The following OSBPL10 variants were observed in gnomAD, a reference collection of about 807,000 sequenced individuals.
The protein encoded by OSBPL10 is oxysterol binding protein like 10, also known as oxysterol-binding protein-related protein 10.
A neutral mutation model predicts 81.7 loss-of-function variants in OSBPL10; 49 were observed. The ratio of observed to expected loss-of-function variants is 0.60; its 90% CI spans 0.48 to 0.76. The LOEUF (loss-of-function observed/expected upper bound fraction) is 0.76, where lower values mean the gene tolerates loss of function less well. Among genes scored for constraint, OSBPL10 ranks in the 30% least tolerant of loss-of-function variants. The probability of loss-of-function intolerance (pLI) is 0.00; values close to 1 mark genes in which losing one functional copy is unlikely to be tolerated. For missense variants in OSBPL10, 923 were observed against 987.8 expected, an observed-to-expected ratio of 0.93 and a Z score of 0.88; for synonymous variants, 419 against 383.6, an observed-to-expected ratio of 1.09 and a Z score of -1.08.
At chr3:32,032,285 G>A (rs916572946) in intron 2 of OSBPL10, among the ~76,000 whole-genome samples, 2 of 151,894 alleles carry the variant, frequency 1.3e-5, no homozygotes, top group African/African-American at 4.8e-5. Flanking sequence ...CATGATGGGG[G>A]GCACCTGTAA....
At chr3:31,772,153 A>G (rs1698399349) in intron 4 of OSBPL10, among the ~76,000 whole-genome samples, 1 of 152,220 alleles carries the variant, frequency 6.6e-6, no homozygotes, top group Non-Finnish European at 1.5e-5. Flanking sequence ...TCCTAGGGAA[A>G]TACAGGGTTA....
At chr3:31,678,198 G>A (rs1422273539) in intron 8 of OSBPL10, among the ~76,000 whole-genome samples, 2 of 152,154 alleles carry the variant, frequency 1.3e-5, no homozygotes, top group Non-Finnish European at 1.5e-5. Context: ...GCAATGACAG[G>A]AGGCCATGTG....
intron 4 of OSBPL10, among the ~76,000 whole-genome samples, chr3:31,749,222 C>G (rs966514295): frequency 6.6e-6 from 1 of 152,220 alleles, no homozygotes; most frequent in Non-Finnish European, 1.5e-5. Context: ...GTAAGGACTG[C>G]CAGACTTGGA....
Position 31,945,876 on chromosome 3 carries a change from C to T in OSBPL10, c.281+35023G>A, listed in dbSNP as rs552804778. On this transcript the variant is annotated intron_variant, in intron 1 of 11. Coordinates refer to ENST00000396556, the MANE Select transcript of OSBPL10 (RefSeq NM_017784.5). ...GGTTACTGGCCAAACATCTGCAGAT[C>T]CTATTATGACTAAAAAAATCCAAAC... Among the ~76,000 whole-genome samples the T allele has an allele frequency of 7.2e-4, 109 of 152,316 alleles. 1 individual carries two copies. In the Middle Eastern group the frequency reaches 0.01, roughly 14 times the overall value.
chr3:31,668,905 T>C, intron 9 of OSBPL10, 81 bp from the exon 10 acceptor site: 5 of 689,230 alleles, frequency 7.3e-6, no homozygotes, highest in Non-Finnish European at 1.0e-5. Context: ...TCTCTAGAGA[T>C]TTTTTTTTTT....
At chr3:31,772,410 T>C (rs1371809816) in intron 4 of OSBPL10, among the ~76,000 whole-genome samples, 1 of 152,228 alleles carries the variant, frequency 6.6e-6, no homozygotes, top group Admixed American at 6.5e-5. Context: ...GGGAAATGTA[T>C]GTGTGGGTGT....
chr3:31,748,437 C>T (rs1371757132), intron 4 of OSBPL10, among the ~76,000 whole-genome samples: 3 of 152,060 alleles, frequency 2.0e-5, no homozygotes, highest in Admixed American at 6.6e-5. Context: ...TCCTTGCAAC[C>T]ACCTTTAGAG....
intron 3 of OSBPL10, among the ~76,000 whole-genome samples, chr3:31,834,338 C>T (rs534519182): frequency 8.5e-5 from 13 of 152,306 alleles, no homozygotes; most frequent in Admixed American, 3.3e-4. Context: ...AATTCGGAGT[C>T]GAGAGCAAGT....
intron 5 of OSBPL10, among the ~76,000 whole-genome samples, chr3:31,735,323 G>A (rs943606254): frequency 6.6e-6 from 1 of 152,060 alleles, no homozygotes; most frequent in Non-Finnish European, 1.5e-5. Context: ...ACCTATAGTT[G>A]CAGCTACATG....
intron 1 of OSBPL10, among the ~76,000 whole-genome samples, chr3:31,898,579 T>C (rs1696131996): frequency 9.4e-6 from 1 of 106,106 alleles, no homozygotes; most frequent in Non-Finnish European, 1.8e-5. Flanking sequence ...ACCCTGTCTC[T>C]TAAAAAAAAA....
chr3:31,907,297 T>C (rs189463246), intron 1 of OSBPL10, among the ~76,000 whole-genome samples: 12 of 152,254 alleles, frequency 7.9e-5, no homozygotes, highest in Admixed American at 3.9e-4. Context: ...GTATTCTTTA[T>C]TGCATTTTAC....
intron 3 of OSBPL10, among the ~76,000 whole-genome samples, chr3:31,841,288 T>TA (rs1275895938): frequency 6.6e-6 from 1 of 152,230 alleles, no homozygotes; most frequent in East Asian, 1.9e-4. Flanking sequence ...AGGACTTGAG[T>TA]AAACAGAGCC....
chr3:31,847,199 T>A (rs1263145155), intron 3 of OSBPL10, among the ~76,000 whole-genome samples: 2 of 139,680 alleles, frequency 1.4e-5, no homozygotes, highest in Non-Finnish European at 3.1e-5. Flanking sequence ...CATTCCTTTT[T>A]TTTTTTTTTT....
intron 1 of OSBPL10, among the ~76,000 whole-genome samples, chr3:31,974,050 G>A (rs1417195135): frequency 6.6e-6 from 1 of 151,936 alleles, no homozygotes; most frequent in Non-Finnish European, 1.5e-5. Context: ...TCCAGCAAAG[G>A]GCGCATACCC....
chr3:31,696,320 C>T (rs565563827), intron 7 of OSBPL10, among the ~76,000 whole-genome samples: 1 of 152,348 alleles, frequency 6.6e-6, no homozygotes, highest in East Asian at 1.9e-4. Flanking sequence ...ATTCAAGCAT[C>T]TTAAGAAACC....
intron 2 of OSBPL10, among the ~76,000 whole-genome samples, chr3:32,034,156 A>G (rs1351203565): frequency 6.6e-6 from 1 of 152,148 alleles, no homozygotes; most frequent in Non-Finnish European, 1.5e-5. Context: ...AACTGCCCCC[A>G]TGAGCCAATT....
Position 31,799,363 on chromosome 3 carries a change from A to G in OSBPL10, c.729+30677T>C, listed in dbSNP as rs150333533. 4.3e-3 allele frequency among the ~76,000 whole-genome samples: 603 copies of G among 140,922 alleles called. 5 individuals carry two copies. Among genetic ancestry groups the G allele is most frequent in the African/African-American group, 0.015 (543 of 37,340 alleles). The allele number at this position is 140,922 out of a possible 152,430, so 92.5% of individuals were successfully genotyped here. On this transcript the variant is annotated intron_variant, in intron 4 of 11. Coordinates refer to ENST00000396556, the MANE Select transcript of OSBPL10 (RefSeq NM_017784.5). ...TCAAGACCAGACTGAGCAACATAGC[A>G]AGACCCCTATCTCTTTAAAAAAAAA...
In OSBPL10 at chr3:31,820,028, TCTC is replaced by T. The variant is rs536552495; in HGVS notation, c.729+10009_729+10011del. Among the ~76,000 whole-genome samples, 105 of 152,266 alleles carry T rather than the reference TCTC, an allele frequency of 6.9e-4. 1 individual carries two copies. Among genetic ancestry groups the T allele is most frequent in the South Asian group, 1.7e-3 (8 of 4,824 alleles). On this transcript the variant is annotated intron_variant, in intron 4 of 11. Transcript: ENST00000396556. ...CCCCTAATAAATCTCTTAATGTAGA[TCTC>T]CTATGGTTCTGTTTCTCTGGTTGAA...
intron 4 of OSBPL10, among the ~76,000 whole-genome samples, chr3:31,801,470 C>T (rs145987479): frequency 2.0e-3 from 310 of 152,350 alleles, no homozygotes; most frequent in African/African-American, 6.9e-3. Flanking sequence ...AGGCACAAAA[C>T]TAACTGCAGT....
Sources: gnomAD v4.1 joint callset for allele counts (sites outside exome capture counted in the v4.1 genomes callset) on GRCh38, gnomAD v4.1.1 for gene constraint, MANE v1.5 for transcripts, NCBI Gene and HGNC (gene_info 2026-07-23, HGNC 2026-07-21) for gene names.